CLMN: variants seen among roughly 807,000 people sequenced by gnomAD.
CLMN encodes calmin.
A neutral mutation model predicts 92.7 loss-of-function variants in CLMN; 57 were observed. The observed-to-expected ratio is 0.61, with a 90% CI of 0.50 to 0.77. CLMN has a LOEUF of 0.77. Among genes scored for constraint, CLMN ranks in the 30% least tolerant of loss-of-function variants. The pLI, the probability that CLMN is intolerant of heterozygous loss-of-function variation, is 0.00. For synonymous variants in CLMN, 466 were observed against 470.6 expected (o/e 0.99, Z 0.13); for missense variants, 1,158 against 1,237.5 (o/e 0.94, Z 0.96).
intron 1 of CLMN, among the ~76,000 whole-genome samples, chr14:95,291,294 C>G (rs1595101310): frequency 6.6e-6 from 1 of 152,190 alleles, no homozygotes; most frequent in African/African-American, 2.4e-5. Flanking sequence ...GAAATGGGAG[C>G]CAGGCAGCCT....
chr14:95,226,088 A>T (rs2140626612), intron 2 of CLMN, among the ~76,000 whole-genome samples: 1 of 152,324 alleles, frequency 6.6e-6, no homozygotes, highest in East Asian at 1.9e-4. Flanking sequence ...CTTTAATCAG[A>T]GAGGCTCAGC....
At chr14:95,312,442 T>G (rs1208625904) in intron 1 of CLMN, among the ~76,000 whole-genome samples, 6 of 152,202 alleles carry the variant, frequency 3.9e-5, no homozygotes, top group Non-Finnish European at 8.8e-5. Context: ...CATTCCCTGC[T>G]GTCATCACGA....
chr14:95,297,193 G>A (rs1900842481), intron 1 of CLMN, among the ~76,000 whole-genome samples: 1 of 152,136 alleles, frequency 6.6e-6, no homozygotes, highest in African/African-American at 2.4e-5. Context: ...TGGTTTTTAG[G>A]AGGAAGGGAT....
intron 9 of CLMN, among the ~76,000 whole-genome samples, chr14:95,200,263 C>T (rs10135909): frequency 0.044 from 6,771 of 152,266 alleles, 504 homozygotes; most frequent in African/African-American, 0.15. Context: ...TGAATCCCTT[C>T]GCTGGGCCCA....
chr14:95,272,456 G>C (rs151028137), intron 1 of CLMN, among the ~76,000 whole-genome samples: 1 of 152,344 alleles, frequency 6.6e-6, no homozygotes, highest in East Asian at 1.9e-4. Flanking sequence ...ATGCTCAACA[G>C]GCTTCTCCTG....
At chr14:95,236,501 G>A (rs1898062236) in intron 1 of CLMN, among the ~76,000 whole-genome samples, 1 of 152,256 alleles carries the variant, frequency 6.6e-6, no homozygotes, top group African/African-American at 2.4e-5. Flanking sequence ...TGCCACGACT[G>A]AGGGGGAGGG....
Position 95,221,693 on chromosome 14 carries a change from T to C in CLMN, c.322A>G (p.Asn108Asp). ...AKALKFLEDS[N>D]VKLVSIDAAE... ...CAGGATGAGCTTCAAACACTTACATTGCTATCTTCCAAAAACTTAAGTGCT... is the reference window on the plus strand; with the variant it reads ...CAGGATGAGCTTCAAACACTTACATCGCTATCTTCCAAAAACTTAAGTGCT... Residue 108 changes from asparagine (N) to aspartate (D), a missense_variant and splice_region_variant, in exon 4 of 13, where the codon AAT (asparagine) becomes GAT (aspartate). Coordinates refer to ENST00000298912, the MANE Select transcript of CLMN (RefSeq NM_024734.4). The C allele has an allele frequency of 1.2e-6, 2 of 1,613,272 alleles. No homozygotes were observed. The highest frequency in any genetic ancestry group is 1.7e-6 in the Non-Finnish European group (2 of 1,179,416).
At chr14:95,315,155 G>A (rs1446937782) in intron 1 of CLMN, among the ~76,000 whole-genome samples, 1 of 152,156 alleles carries the variant, frequency 6.6e-6, no homozygotes, top group Non-Finnish European at 1.5e-5. Context: ...TGGGCTGTGG[G>A]GGCAGGAATT....
At chr14:95,215,927 T>C (rs778755834) in intron 4 of CLMN, among the ~76,000 whole-genome samples, 194 bp from the exon 5 acceptor site, 2 of 151,930 alleles carry the variant, frequency 1.3e-5, no homozygotes, top group African/African-American at 2.4e-5. Flanking sequence ...AAAAGTGTAT[T>C]TAATTAACAC....
chr14:95,319,632 G>T, intron 1 of CLMN, 79 bp downstream of exon 1: 1 of 1,167,672 alleles, frequency 8.6e-7, no homozygotes, highest in South Asian at 1.3e-5. Flanking sequence ...GGCGGCGCGG[G>T]GGAGTTGCCA....
chr14:95,290,226 C>T (rs1221577362), intron 1 of CLMN, among the ~76,000 whole-genome samples: 2 of 152,198 alleles, frequency 1.3e-5, no homozygotes, highest in Non-Finnish European at 2.9e-5. Flanking sequence ...GGGTCCGCCC[C>T]GCCCACTCTT....
At chr14:95,242,250 CTTTTTTTT>C (rs371417505) in intron 1 of CLMN, among the ~76,000 whole-genome samples, 1 of 92,586 alleles carries the variant, frequency 1.1e-5, no homozygotes, top group Non-Finnish European at 2.3e-5. Flanking sequence ...TTTTCTTTTT[CTTTTTTTT>C]TTTTTTTTTT....
intron 1 of CLMN, among the ~76,000 whole-genome samples, chr14:95,281,115 G>A (rs1900129195): frequency 6.6e-6 from 1 of 152,160 alleles, no homozygotes; most frequent in African/African-American, 2.4e-5. Flanking sequence ...TGCATAGACA[G>A]AACTAATAAA....
At chr14:95,265,734 TCAGA>T (rs1899447238) in intron 1 of CLMN, among the ~76,000 whole-genome samples, 1 of 152,222 alleles carries the variant, frequency 6.6e-6, no homozygotes. Context: ...CTTTTCATGC[TCAGA>T]CAGAGCCCTG....
intron 1 of CLMN, among the ~76,000 whole-genome samples, chr14:95,316,145 G>A (rs80254884): frequency 0.047 from 7,095 of 152,316 alleles, 789 homozygotes; most frequent in East Asian, 0.45. Context: ...GAACTAAGGC[G>A]CAGACCTATT....
At chr14:95,311,404 G>C (rs905003175) in intron 1 of CLMN, among the ~76,000 whole-genome samples, 3 of 152,120 alleles carry the variant, frequency 2.0e-5, no homozygotes, top group African/African-American at 4.8e-5. Context: ...CGGAGCCTGG[G>C]GTCCTTCCAG....
At chr14:95,261,131 TC>T (rs1469782753) in intron 1 of CLMN, among the ~76,000 whole-genome samples, 2 of 150,180 alleles carry the variant, frequency 1.3e-5, no homozygotes, top group Non-Finnish European at 1.5e-5. Context: ...TTTCTGCACT[TC>T]CGGACTCTGA....
At chr14:95,319,671 G>A (rs2140813231) in intron 1 of CLMN, 40 bp downstream of exon 1, 4 of 1,546,498 alleles carry the variant, frequency 2.6e-6, no homozygotes, top group Non-Finnish European at 3.5e-6. Flanking sequence ...CGGGCCCCCC[G>A]AGCGCCCAGC....
chr14:95,244,570 G>C (rs11621439), intron 1 of CLMN, among the ~76,000 whole-genome samples: 26,491 of 152,202 alleles, frequency 0.17, 3,028 homozygotes, highest in Non-Finnish European at 0.25. Flanking sequence ...GATTCTGACA[G>C]GGAAGTCTTG....
Sources: gnomAD v4.1 joint callset for allele counts (sites outside exome capture counted in the v4.1 genomes callset) on GRCh38, gnomAD v4.1.1 for gene constraint, MANE v1.5 for transcripts, NCBI Gene and HGNC (gene_info 2026-07-23, HGNC 2026-07-21) for gene names.